The following PAK3 variants were observed in gnomAD, a reference collection of about 807,000 sequenced individuals.
PAK3 encodes p21 (RAC1) activated kinase 3, also known as serine/threonine-protein kinase PAK 3.
Under a neutral mutation model 41.0 loss-of-function variants are expected in PAK3, and 4 were observed. That is an observed-to-expected ratio of 0.10 (90% confidence interval 0.05 to 0.22). The LOEUF (loss-of-function observed/expected upper bound fraction) is 0.22. PAK3 is among the 10% of genes least tolerant of loss of function. PAK3 has a pLI of 1.00. For synonymous variants in PAK3, 146 were observed against 139.6 expected, an observed-to-expected ratio of 1.05 and a Z score of -0.32; for missense variants, 205 against 409.9, an observed-to-expected ratio of 0.50 and a Z score of 4.32.
chrX:110,973,680 C>T (rs1484139313), intron 1 of PAK3, among the ~76,000 whole-genome samples: 6 of 111,989 alleles, frequency 5.4e-5, no homozygotes, highest in Non-Finnish European at 1.1e-4. Context: ...AACCAGCGAA[C>T]ATCATAATGA....
intron 10 of PAK3, among the ~76,000 whole-genome samples, chrX:111,167,368 C>A (rs1209954478): frequency 9.0e-6 from 1 of 110,926 alleles, no homozygotes; most frequent in Non-Finnish European, 1.9e-5. Flanking sequence ...ACCTCATAAG[C>A]ATGGTGAAGA....
intron 5 of PAK3, among the ~76,000 whole-genome samples, chrX:111,140,808 G>A (rs1182297103): frequency 1.8e-5 from 2 of 111,367 alleles, no homozygotes; most frequent in Non-Finnish European, 3.8e-5. Context: ...TCCTGTGGCT[G>A]GAGATAAGGA....
rs755183850 is a variant in PAK3 at position 110,999,580 on chromosome X, G to A, written c.-28+54952G>A. ...GTGAATCTAGGCAGTCTGGCTTCAG[G>A]GCCTGTAGACTCAGCCACTTAATTT... On this transcript the variant is annotated intron_variant, in intron 1 of 14. Coordinates refer to the PAK3 transcript ENST00000425146. Among the ~76,000 whole-genome samples the A allele has an allele frequency of 1.6e-4, 18 of 110,391 alleles. No homozygotes were observed. In the East Asian group the frequency reaches 5.1e-3, roughly 31 times the overall value.
chrX:111,136,076 A>G (rs764240560), intron 5 of PAK3, among the ~76,000 whole-genome samples: 1 of 110,872 alleles, frequency 9.0e-6, no homozygotes, highest in African/African-American at 3.3e-5. Context: ...TAGGGGCGGG[A>G]GAGAAAGTGA....
intron 7 of PAK3, among the ~76,000 whole-genome samples, chrX:111,149,263 C>T (rs1179801026): frequency 6.3e-5 from 7 of 111,794 alleles, no homozygotes; most frequent in African/African-American, 2.3e-4. Context: ...CAGCCTCCCT[C>T]CCGGCTGCTT....
chrX:111,144,990 A>G (rs1021905420), intron 6 of PAK3: 1 of 634,431 alleles, frequency 1.6e-6, no homozygotes, highest in Non-Finnish European at 2.5e-6. Context: ...TCGTGCTGCC[A>G]TTCTCCTGGG....
chrX:111,049,896 T>G (rs1340159842), intron 1 of PAK3, among the ~76,000 whole-genome samples: 3 of 111,323 alleles, frequency 2.7e-5, no homozygotes, highest in Non-Finnish European at 5.7e-5. Context: ...TTTTTACTCA[T>G]CCTCTGAGGC....
chrX:110,998,559 TGAG>T (rs1171055379), intron 1 of PAK3, among the ~76,000 whole-genome samples: 1 of 111,824 alleles, frequency 8.9e-6, no homozygotes, highest in African/African-American at 3.2e-5. Flanking sequence ...TTTAGTAAAA[TGAG>T]GAGGACAGCA....
At chrX:111,163,834 A>G in intron 10 of PAK3, 107 bp downstream of exon 10, 1 of 634,418 alleles carries the variant, frequency 1.6e-6, no homozygotes, top group Admixed American at 2.4e-5. Context: ...TATGAACTCC[A>G]GACTTCCCAA....
intron 1 of PAK3, among the ~76,000 whole-genome samples, chrX:111,057,635 A>T (rs184465713): frequency 8.9e-6 from 1 of 111,951 alleles, no homozygotes; most frequent in Non-Finnish European, 1.9e-5. Context: ...TTTTATTTTG[A>T]CAGCCAGGAT....
chrX:110,949,119 CT>C (rs781729991), intron 1 of PAK3, among the ~76,000 whole-genome samples: 1 of 112,283 alleles, frequency 8.9e-6, no homozygotes, highest in East Asian at 2.8e-4. Context: ...TTCTCTTTGA[CT>C]TAACTGCCTT....
At chrX:111,169,883 G>A (rs2094313543) in intron 10 of PAK3, among the ~76,000 whole-genome samples, 1 of 111,495 alleles carries the variant, frequency 9.0e-6, no homozygotes, top group Non-Finnish European at 1.9e-5. Flanking sequence ...GAATGAAGCA[G>A]GAGCCAGATT....
chrX:111,076,542 A>T (rs1356380775), intron 1 of PAK3, among the ~76,000 whole-genome samples: 1 of 111,813 alleles, frequency 8.9e-6, no homozygotes, highest in Non-Finnish European at 1.9e-5. Flanking sequence ...CCAAGAGCAG[A>T]TGCCAGTACC....
At chrX:111,002,837 T>C (rs921793736) in intron 1 of PAK3, among the ~76,000 whole-genome samples, 3 of 111,076 alleles carry the variant, frequency 2.7e-5, no homozygotes, top group South Asian at 7.9e-4. Context: ...TCGCATTCAG[T>C]GGGCAGCAGT....
chrX:111,014,030 C>T (rs2092051150), intron 1 of PAK3: 1 of 111,925 alleles, frequency 8.9e-6, no homozygotes, highest in Non-Finnish European at 1.9e-5. Flanking sequence ...ATTAACCAGG[C>T]TGTATGTATA....
chrX:111,220,963 C>CAAAAAAAAAAAAA lies in PAK3; in HGVS notation c.*519_*520insAAAAAAAAAAAAA, dbSNP rs1319121618. ...AGCAAGGCAAAAAAAAAAAAAAAAA[C>CAAAAAAAAAAAAA]AAACAAAAACAAAAACAAAACAAAA... On this transcript the variant is annotated 3_prime_UTR_variant, in exon 18 of 18. Transcript: ENST00000372007. 1 of 54,531 alleles carries CAAAAAAAAAAAAA rather than the reference C, an allele frequency of 1.8e-5. No homozygotes were observed. Among genetic ancestry groups the CAAAAAAAAAAAAA allele is most frequent in the African/African-American group, 6.5e-5 (1 of 15,482 alleles). 4.5% of individuals were successfully genotyped at this position (54,531 alleles called of 1,213,427 possible). A position where few individuals can be genotyped will look rare whatever the true frequency, so the allele number is the denominator to read the frequency against.
intron 11 of PAK3, among the ~76,000 whole-genome samples, chrX:111,180,118 G>A (rs773286989): frequency 7.2e-5 from 8 of 111,443 alleles, no homozygotes; most frequent in African/African-American, 2.0e-4. Context: ...AGTTACATAC[G>A]AAAGTGTTCA....
chrX:111,016,416 G>A (rs2092090399), intron 1 of PAK3, among the ~76,000 whole-genome samples: 1 of 111,362 alleles, frequency 9.0e-6, no homozygotes, highest in Admixed American at 9.6e-5. Context: ...GACAGGGAGA[G>A]GCAATGCTGG....
At chrX:111,038,672 T>G (rs192106117) in intron 1 of PAK3, among the ~76,000 whole-genome samples, 22 of 112,124 alleles carry the variant, frequency 2.0e-4, no homozygotes, top group Middle Eastern at 4.7e-3. Context: ...GTGTTGACCT[T>G]AGGCAAGTAT....
Sources: gnomAD v4.1 joint callset for allele counts (sites outside exome capture counted in the v4.1 genomes callset) on GRCh38, gnomAD v4.1.1 for gene constraint, MANE v1.5 for transcripts, NCBI Gene and HGNC (gene_info 2026-07-23, HGNC 2026-07-21) for gene names.